TMEM108: variants seen among roughly 807,000 people sequenced by gnomAD.
TMEM108 encodes cancer/testis antigen 124.
Under a neutral mutation model 35.1 loss-of-function variants are expected in TMEM108, and 12 were observed. The observed-to-expected ratio is 0.34, with a 90% CI of 0.22 to 0.55. TMEM108 has a LOEUF of 0.55. Ranked by LOEUF, TMEM108 falls within the 20% of genes least tolerant of loss-of-function variation. The pLI, the probability that TMEM108 is intolerant of heterozygous loss-of-function variation, is 0.89. For synonymous variants in TMEM108, 287 were observed against 308.6 expected, an observed-to-expected ratio of 0.93 and a Z score of 0.73; for missense variants, 680 against 753.3, an observed-to-expected ratio of 0.90 and a Z score of 1.14.
At chr3:133,289,176 G>C (rs1947027477) in intron 3 of TMEM108, among the ~76,000 whole-genome samples, 1 of 152,054 alleles carries the variant, frequency 6.6e-6, no homozygotes, top group Non-Finnish European at 1.5e-5. Flanking sequence ...TGGTTCTTGG[G>C]GCTTGGGGAT....
At chr3:133,281,947 G>T (rs1339658665) in intron 3 of TMEM108, among the ~76,000 whole-genome samples, 1 of 152,170 alleles carries the variant, frequency 6.6e-6, no homozygotes, top group Non-Finnish European at 1.5e-5. Context: ...CATGAGGTCA[G>T]GAGATCGAGA....
At chr3:133,250,123 A>T (rs2107667445) in intron 3 of TMEM108, among the ~76,000 whole-genome samples, 1 of 152,000 alleles carries the variant, frequency 6.6e-6, no homozygotes, top group East Asian at 1.9e-4. Flanking sequence ...GAAATATAGG[A>T]CTCTGGCTTA....
chr3:133,092,282 A>G (rs1258808323), intron 2 of TMEM108, among the ~76,000 whole-genome samples: 1 of 152,246 alleles, frequency 6.6e-6, no homozygotes, highest in Non-Finnish European at 1.5e-5. Context: ...ACTTTCTTCT[A>G]CATTGATTAG....
At chr3:133,359,495 C>T (rs945763309) in intron 3 of TMEM108, among the ~76,000 whole-genome samples, 1 of 152,064 alleles carries the variant, frequency 6.6e-6, no homozygotes, top group Non-Finnish European at 1.5e-5. Context: ...AGGACACACT[C>T]ATCTGTGTGA....
intron 3 of TMEM108, among the ~76,000 whole-genome samples, chr3:133,329,825 A>T (rs187684221): frequency 3.9e-4 from 59 of 152,274 alleles, no homozygotes; most frequent in African/African-American, 1.4e-3. Context: ...TGCTGAGTAA[A>T]CATGTTTCTA....
chr3:133,164,315 A>G (rs981778738), intron 2 of TMEM108, among the ~76,000 whole-genome samples: 1 of 152,216 alleles, frequency 6.6e-6, no homozygotes, highest in Admixed American at 6.5e-5. Context: ...ATAGTTCTTC[A>G]GGTAATTGAA....
At position 133,040,205 on chromosome 3, in the gene TMEM108, TG is replaced by T. The variant is rs201890771; in HGVS notation, c.-166+1771del. Among the ~76,000 whole-genome samples, 1,062 of 122,166 alleles carry T rather than the reference TG, an allele frequency of 8.7e-3. 19 individuals are homozygous for T. The highest frequency in any genetic ancestry group is 0.028 in the African/African-American group (971 of 35,194). The allele number at this position is 122,166 out of a possible 152,430, so 80.1% of individuals were successfully genotyped here. ...TCACAGTTTTTTTTGTTTGTTTGTT[TG>T]TTTTTTTTTTTTTTTGAGACGGAGT... On this transcript the variant is annotated intron_variant, in intron 1 of 5. Transcript: ENST00000321871.
chr3:133,184,655 G>A (rs1945394732), intron 2 of TMEM108, among the ~76,000 whole-genome samples: 1 of 152,108 alleles, frequency 6.6e-6, no homozygotes, highest in Non-Finnish European at 1.5e-5. Context: ...TCATTTGGCA[G>A]TATTTTTAAA....
At chr3:133,082,254 T>G (rs886166466) in intron 2 of TMEM108, among the ~76,000 whole-genome samples, 1 of 152,180 alleles carries the variant, frequency 6.6e-6, no homozygotes, top group Non-Finnish European at 1.5e-5. Context: ...GGGAAATAAA[T>G]GCTAATCAGA....
At chr3:133,357,799 G>A (rs1238241740) in intron 3 of TMEM108, among the ~76,000 whole-genome samples, 1 of 151,974 alleles carries the variant, frequency 6.6e-6, no homozygotes, top group Non-Finnish European at 1.5e-5. Context: ...TTGGGAGGCG[G>A]GTGAGGGATA....
At chr3:133,119,304 C>G (rs1944324403) in intron 2 of TMEM108, 1 of 152,080 alleles carries the variant, frequency 6.6e-6, no homozygotes, top group Non-Finnish European at 1.5e-5. Flanking sequence ...ATTCAGCACA[C>G]TGACTTCATT....
At chr3:133,084,606 A>T (rs1250802827) in intron 2 of TMEM108, among the ~76,000 whole-genome samples, 2 of 152,206 alleles carry the variant, frequency 1.3e-5, no homozygotes, top group Non-Finnish European at 2.9e-5. Context: ...AAAAATTATT[A>T]ATTGTAATGG....
At chr3:133,230,343 G>A (rs1265857559) in intron 3 of TMEM108, among the ~76,000 whole-genome samples, 1 of 152,162 alleles carries the variant, frequency 6.6e-6, no homozygotes, top group African/African-American at 2.4e-5. Context: ...CGTTTTAATT[G>A]ACTCATTTCT....
chr3:133,248,795 T>G (rs1425835896), intron 3 of TMEM108, among the ~76,000 whole-genome samples: 2 of 152,228 alleles, frequency 1.3e-5, no homozygotes, highest in Non-Finnish European at 2.9e-5. Context: ...GCCATCCTTA[T>G]GGCTGTATTT....
intron 2 of TMEM108, among the ~76,000 whole-genome samples, chr3:133,121,433 A>G (rs1248600552): frequency 6.6e-6 from 1 of 152,232 alleles, no homozygotes; most frequent in African/African-American, 2.4e-5. Flanking sequence ...GTCTCTGACA[A>G]AAGAATCAGT....
chr3:133,093,664 G>T (rs1377820047), intron 2 of TMEM108, among the ~76,000 whole-genome samples: 1 of 152,182 alleles, frequency 6.6e-6, no homozygotes, highest in Non-Finnish European at 1.5e-5. Context: ...CTGGAATTAT[G>T]GGGAATTAAT....
chr3:133,326,749 G>A (rs1200193822), intron 3 of TMEM108, among the ~76,000 whole-genome samples: 1 of 152,160 alleles, frequency 6.6e-6, no homozygotes, highest in East Asian at 1.9e-4. Flanking sequence ...GGAAAAACAT[G>A]GCCTTGGTGT....
At chr3:133,189,353 C>T (rs796947514) in intron 2 of TMEM108, among the ~76,000 whole-genome samples, 5 of 152,322 alleles carry the variant, frequency 3.3e-5, no homozygotes, top group African/African-American at 1.2e-4. Flanking sequence ...CATGGACCCT[C>T]TTTAAATCAT....
chr3:133,271,280 G>A (rs968288816), intron 3 of TMEM108, among the ~76,000 whole-genome samples: 40 of 152,210 alleles, frequency 2.6e-4, no homozygotes, highest in South Asian at 2.1e-4. Context: ...CCAGAGAATA[G>A]GCAGTGCTTG....
Sources: gnomAD v4.1 joint callset for allele counts (sites outside exome capture counted in the v4.1 genomes callset) on GRCh38, gnomAD v4.1.1 for gene constraint, MANE v1.5 for transcripts, NCBI Gene and HGNC (gene_info 2026-07-23, HGNC 2026-07-21) for gene names.